Variants in IFNGR2 observed in about 807,000 individuals in gnomAD.
IFNGR2 encodes IFN-gamma receptor 2.
IFNGR2 carries 15 observed loss-of-function variants against 41.1 expected under a neutral mutation model. That is an observed-to-expected ratio of 0.37 (90% CI 0.24 to 0.56). IFNGR2 has a LOEUF of 0.56. IFNGR2 is among the 20% of genes least tolerant of loss of function. The pLI is 0.81. For missense variants in IFNGR2, 362 were observed against 415.7 expected, an observed-to-expected ratio of 0.87 and a Z score of 1.12; for synonymous variants, 161 against 171.6, an observed-to-expected ratio of 0.94 and a Z score of 0.48.
intron 1 of IFNGR2, chr21:33,410,995 A>C: frequency 1.2e-6 from 1 of 868,104 alleles, no homozygotes. Context: ...ATCGGGGGCC[A>C]TGTGGCCTGG....
At chr21:33,434,660 T>C (rs75841155) in intron 6 of IFNGR2, among the ~76,000 whole-genome samples, 1 of 152,340 alleles carries the variant, frequency 6.6e-6, no homozygotes, top group East Asian at 1.9e-4. Context: ...GGTCCAAGTC[T>C]GCAGAAACAT....
chr21:33,422,669 G>A (rs915744511), intron 3 of IFNGR2, among the ~76,000 whole-genome samples: 1 of 152,012 alleles, frequency 6.6e-6, no homozygotes, highest in East Asian at 1.9e-4. Flanking sequence ...TTGAGGTCAG[G>A]AGTTCGAGAC....
At chr21:33,436,738 AAAAT>A (rs1262724968) in intron 6 of IFNGR2, 86 bp from the exon 7 acceptor site, 5 of 1,082,308 alleles carry the variant, frequency 4.6e-6, no homozygotes, top group African/African-American at 3.3e-5. Context: ...AATAAAAATA[AAAAT>A]AAAATAAAAA....
intron 6 of IFNGR2, 114 bp from the exon 7 acceptor site, chr21:33,436,714 C>T: frequency 1.2e-6 from 1 of 808,312 alleles, no homozygotes; most frequent in Non-Finnish European, 1.9e-6. Flanking sequence ...AGTAAGACTC[C>T]ATCTCAAAAA....
intron 3 of IFNGR2, among the ~76,000 whole-genome samples, chr21:33,426,553 C>T (rs2083837468): frequency 6.6e-6 from 1 of 151,542 alleles, no homozygotes; most frequent in South Asian, 2.1e-4. Context: ...CCTGTTTCTT[C>T]TAAAAATATA....
At chr21:33,431,318 C>T (rs1354782491) in intron 4 of IFNGR2, among the ~76,000 whole-genome samples, 1 of 152,024 alleles carries the variant, frequency 6.6e-6, no homozygotes, top group Non-Finnish European at 1.5e-5. Flanking sequence ...GCCTATAATC[C>T]CAGCACTTTG....
At chr21:33,431,627 G>A (rs2083888808) in intron 4 of IFNGR2, among the ~76,000 whole-genome samples, 1 of 152,184 alleles carries the variant, frequency 6.6e-6, no homozygotes, top group African/African-American at 2.4e-5. Flanking sequence ...CTTCATCCAG[G>A]CTGGCGCAAT....
chr21:33,428,201 TCTC>T (rs1417454552), intron 4 of IFNGR2, among the ~76,000 whole-genome samples: 6 of 132,742 alleles, frequency 4.5e-5, no homozygotes, highest in African/African-American at 1.5e-4. Context: ...TATCTGCACT[TCTC>T]CTTCATTTTT....
rs1217129160 is a variant in IFNGR2 at position 33,428,980 on chromosome 21, C to T, written c.561+1948C>T. 2.0e-5 allele frequency among the ~76,000 whole-genome samples: 3 copies of T among 152,302 alleles called. No homozygotes were observed. The East Asian group carries it at 5.8e-4, about 29-fold the overall frequency. ...GAACTCAGCTCCAGGACCCTGGGGCCAGCCTTGTTGAGCAGCAAGCTCTAA... is the reference window on the plus strand; with the variant it reads ...GAACTCAGCTCCAGGACCCTGGGGCTAGCCTTGTTGAGCAGCAAGCTCTAA... On this transcript the variant is annotated intron_variant, in intron 4 of 6. Transcript: ENST00000290219.
chr21:33,436,717 C>T lies in IFNGR2; in HGVS notation c.880-111C>T, dbSNP rs2083955941. ...AGCCTAGGCAAGAGTAAGACTCCAT[C>T]TCAAAAAAAAAATAAAAATAAAAAT... On this transcript the variant is annotated intron_variant, in intron 6 of 6. Transcript: ENST00000290219. 5.7e-6 allele frequency: 5 copies of T among 879,488 alleles called. No homozygotes were observed. The Admixed American group carries it at 8.5e-5, about 15-fold the overall frequency. 54.5% of individuals were successfully genotyped at this position (879,488 alleles called of 1,614,324 possible). A position where few individuals can be genotyped will look rare whatever the true frequency, so the allele number is the denominator to read the frequency against.
At position 33,432,855 on chromosome 21, in the gene IFNGR2, C is replaced by A. The variant is rs1759825040; in HGVS notation, c.863C>A (p.Pro288Gln). The change falls in exon 6 of 7, where the codon CCA becomes CAA. Residue 288 changes from proline (P) to glutamine (Q), a missense_variant. Physicochemically the swap from Pro to Gln is moderately conservative, Grantham distance 76. Transcript: ENST00000290219. ...TGGTTTCACACTCCACCAAGCATCC[C>A]ATTACAGATAGAAGAGGTACGTGTG... ...KYWFHTPPSI[P>Q]LQIEEYLKDP... 6.2e-7 allele frequency: 1 copy of A among 1,612,282 alleles called. No individual in the cohort carries two copies. Among genetic ancestry groups the A allele is most frequent in the Non-Finnish European group, 8.5e-7 (1 of 1,179,278 alleles).
chr21:33,419,200 G>A (rs2083773816), intron 2 of IFNGR2, among the ~76,000 whole-genome samples: 1 of 152,126 alleles, frequency 6.6e-6, no homozygotes, highest in Admixed American at 6.6e-5. Flanking sequence ...CCGCCGCCTG[G>A]GTTCAAGTGA....
In IFNGR2 at chr21:33,432,853, C is replaced by G; in HGVS notation, c.861C>G (p.Ile287Met). 1 of 1,613,076 alleles carries G rather than the reference C, an allele frequency of 6.2e-7. No individual in the cohort carries two copies. The highest frequency in any genetic ancestry group is 8.5e-7 in the Non-Finnish European group (1 of 1,179,652). Reference protein sequence around the residue: ...IKYWFHTPPSIPLQIEEYLKD... With the variant: ...IKYWFHTPPSMPLQIEEYLKD... ...ACTGGTTTCACACTCCACCAAGCATCCCATTACAGATAGAAGAGGTACGTG... is the reference window on the plus strand; with the variant it reads ...ACTGGTTTCACACTCCACCAAGCATGCCATTACAGATAGAAGAGGTACGTG... Residue 287 changes from isoleucine to methionine, a missense_variant, in exon 6 of 7, where the codon ATC (isoleucine) becomes ATG (methionine). By Grantham distance (10) the Ile-to-Met change is conservative. Transcript: ENST00000290219.
intron 1 of IFNGR2, among the ~76,000 whole-genome samples, chr21:33,404,230 G>A (rs1290746735): frequency 3.3e-5 from 5 of 152,268 alleles, no homozygotes; most frequent in Admixed American, 3.3e-4. Context: ...TGTAGTAGCA[G>A]CGGTGGAGCA....
chr21:33,432,934 G>A (rs2083904853), intron 6 of IFNGR2, 63 bp downstream of exon 6: 3 of 1,346,484 alleles, frequency 2.2e-6, no homozygotes, highest in African/African-American at 2.9e-5. Context: ...TGCCCAGGCG[G>A]GAGTGTCATG....
intron 4 of IFNGR2, among the ~76,000 whole-genome samples, chr21:33,428,906 C>T (rs188930308): frequency 6.6e-6 from 1 of 152,286 alleles, no homozygotes; most frequent in Admixed American, 6.5e-5. Context: ...CCCCAGAGGG[C>T]GAGTTGCCAC....
At chr21:33,406,585 A>G (rs1030079729) in intron 1 of IFNGR2, among the ~76,000 whole-genome samples, 6 of 151,884 alleles carry the variant, frequency 4.0e-5, no homozygotes, top group African/African-American at 1.2e-4. Context: ...ACACTTTCCC[A>G]TAACTTACCG....
At position 33,414,921 on chromosome 21, in the gene IFNGR2, C is replaced by T; in HGVS notation, c.107C>T (p.Pro36Leu). Residue 36 changes from proline (P) to leucine (L), a missense_variant, in exon 2 of 7, where the codon CCG (proline) becomes CTG (leucine). Coordinates refer to ENST00000290219, the MANE Select transcript of IFNGR2 (RefSeq NM_005534.4). ...TCCCAGCTGCCCGCTCCTCAGCACCCGAAGATTCGCCTGTACAACGCAGAG... is the reference window on the plus strand; with the variant it reads ...TCCCAGCTGCCCGCTCCTCAGCACCTGAAGATTCGCCTGTACAACGCAGAG... ...PLSQLPAPQHPKIRLYNAEQV... is the reference protein window; with the variant it reads ...PLSQLPAPQHLKIRLYNAEQV... 3 of 1,614,132 alleles carry T rather than the reference C, an allele frequency of 1.9e-6. No individual in the cohort carries two copies. The highest frequency in any genetic ancestry group is 1.1e-5 in the South Asian group (1 of 91,074).
intron 1 of IFNGR2, among the ~76,000 whole-genome samples, 172 bp from the exon 2 acceptor site, chr21:33,414,716 A>C (rs1054058497): frequency 1.3e-5 from 2 of 152,218 alleles, no homozygotes; most frequent in African/African-American, 4.8e-5. Flanking sequence ...CTTTGTAGCC[A>C]AAAGTCGGGG....
Sources: allele counts gnomAD v4.1 joint callset (sites outside exome capture counted in the v4.1 genomes callset), GRCh38; gene constraint gnomAD v4.1.1; transcripts MANE v1.5; gene names NCBI Gene and HGNC (gene_info 2026-07-23, HGNC 2026-07-21).